The following PTPRO variants were observed in gnomAD, a reference collection of about 807,000 sequenced individuals.
PTPRO encodes receptor-type tyrosine-protein phosphatase O.
In PTPRO, 62 loss-of-function variants were observed where a neutral mutation model predicts 145.2. That is an observed-to-expected ratio of 0.43 (90% confidence interval 0.35 to 0.53). The LOEUF (loss-of-function observed/expected upper bound fraction) is 0.53, where lower values mean the gene tolerates loss of function less well. Among genes scored for constraint, PTPRO ranks in the 20% least tolerant of loss-of-function variants. The pLI is 0.01. For missense variants in PTPRO, 1,345 were observed against 1,482.7 expected (o/e 0.91, Z 1.53); for synonymous variants, 565 against 514.7 (o/e 1.10, Z -1.32).
At chr12:15,376,224 C>T (rs1938682718) in intron 1 of PTPRO, among the ~76,000 whole-genome samples, 1 of 151,950 alleles carries the variant, frequency 6.6e-6, no homozygotes, top group African/African-American at 2.4e-5. Context: ...AAAGACTCAT[C>T]CTGAAAAAAA....
chr12:15,344,606 A>G (rs901623953), intron 1 of PTPRO, among the ~76,000 whole-genome samples: 1 of 152,220 alleles, frequency 6.6e-6, no homozygotes, highest in African/African-American at 2.4e-5. Context: ...TAAAACTCAT[A>G]TAAAATTTAC....
In PTPRO at chr12:15,483,958, C is replaced by T. The variant is rs377391278; in HGVS notation, c.76-16C>T. 3 of 1,610,736 alleles carry T rather than the reference C, an allele frequency of 1.9e-6. No homozygotes were observed. The highest frequency in any genetic ancestry group is 2.2e-5 in the South Asian group (2 of 90,952). On this transcript the variant is annotated splice_polypyrimidine_tract_variant and intron_variant, in intron 1 of 26. Transcript: ENST00000281171. ...AATATAACCTCCATCTCTTTTTATT[C>T]TGTTTCATTCAACAGAATGCTACAG...
intron 12 of PTPRO, 150 bp downstream of exon 12, chr12:15,526,412 T>A: frequency 1.9e-6 from 2 of 1,060,054 alleles, no homozygotes; most frequent in Non-Finnish European, 1.4e-6. Flanking sequence ...AGCAAAAGGG[T>A]ATGTTCAACT....
At chr12:15,324,245 G>A (rs1407549261) in intron 1 of PTPRO, among the ~76,000 whole-genome samples, 2 of 152,122 alleles carry the variant, frequency 1.3e-5, no homozygotes, top group East Asian at 1.9e-4. Flanking sequence ...TGCATTTTAC[G>A]AGCAACAGCT....
chr12:15,567,911 A>C (rs1219570970), intron 18 of PTPRO, among the ~76,000 whole-genome samples: 1 of 152,172 alleles, frequency 6.6e-6, no homozygotes, highest in African/African-American at 2.4e-5. Context: ...TACCTCAGGG[A>C]TCAATTAAGC....
At chr12:15,485,432 G>C (rs988312463) in intron 2 of PTPRO, among the ~76,000 whole-genome samples, 1 of 152,014 alleles carries the variant, frequency 6.6e-6, no homozygotes, top group Non-Finnish European at 1.5e-5. Flanking sequence ...GGCACATAAC[G>C]CCTACAATAC....
At chr12:15,415,993 A>G (rs765060063) in intron 1 of PTPRO, among the ~76,000 whole-genome samples, 11 of 151,756 alleles carry the variant, frequency 7.2e-5, no homozygotes, top group Non-Finnish European at 1.6e-4. Context: ...ATTTAAATTC[A>G]GGGGTTAGAT....
At chr12:15,354,436 A>C (rs1937918993) in intron 1 of PTPRO, among the ~76,000 whole-genome samples, 1 of 152,216 alleles carries the variant, frequency 6.6e-6, no homozygotes, top group South Asian at 2.1e-4. Context: ...GATTGTATTT[A>C]TACACATTAT....
At chr12:15,362,567 A>T (rs1427924667) in intron 1 of PTPRO, among the ~76,000 whole-genome samples, 1 of 152,186 alleles carries the variant, frequency 6.6e-6, no homozygotes, top group African/African-American at 2.4e-5. Flanking sequence ...TATTTACAGA[A>T]AATATTCTCC....
intron 4 of PTPRO, among the ~76,000 whole-genome samples, chr12:15,500,898 G>A (rs1165656175): frequency 6.6e-6 from 1 of 152,074 alleles, no homozygotes; most frequent in East Asian, 1.9e-4. Flanking sequence ...CTCTAGCCTG[G>A]GCAACAGAGA....
At chr12:15,351,110 G>T (rs578107376) in intron 1 of PTPRO, among the ~76,000 whole-genome samples, 1 of 152,164 alleles carries the variant, frequency 6.6e-6, no homozygotes, top group East Asian at 1.9e-4. Flanking sequence ...CAAGTTTTTG[G>T]ATTCAAAAAC....
At chr12:15,359,672 C>A (rs976044770) in intron 1 of PTPRO, among the ~76,000 whole-genome samples, 1 of 152,108 alleles carries the variant, frequency 6.6e-6, no homozygotes, top group Non-Finnish European at 1.5e-5. Flanking sequence ...AAGTGATCCA[C>A]CTGCCTGGGC....
intron 1 of PTPRO, among the ~76,000 whole-genome samples, chr12:15,399,597 T>A (rs1175767579): frequency 6.6e-6 from 1 of 152,186 alleles, no homozygotes; most frequent in Non-Finnish European, 1.5e-5. Flanking sequence ...TGACATATAA[T>A]CGTTAATTAA....
chr12:15,441,893 A>C (rs1599366), intron 1 of PTPRO, among the ~76,000 whole-genome samples: 112,180 of 151,866 alleles, frequency 0.74, 41,549 homozygotes, highest in East Asian at 0.78. Flanking sequence ...AGCCCCAGAC[A>C]AGAGGGATTT....
intron 1 of PTPRO, among the ~76,000 whole-genome samples, chr12:15,403,971 G>A (rs1374704611): frequency 6.6e-6 from 1 of 151,932 alleles, no homozygotes; most frequent in Non-Finnish European, 1.5e-5. Flanking sequence ...GCCAAGGCGG[G>A]CAGATCAGAG....
intron 15 of PTPRO, among the ~76,000 whole-genome samples, chr12:15,553,286 G>T (rs1429985665): frequency 2.6e-5 from 4 of 152,176 alleles, no homozygotes; most frequent in Admixed American, 2.6e-4. Context: ...ATAAGTAAAA[G>T]GACTGCCCCT....
intron 2 of PTPRO, among the ~76,000 whole-genome samples, chr12:15,495,082 G>A (rs1942073410): frequency 6.6e-6 from 1 of 152,094 alleles, no homozygotes; most frequent in Non-Finnish European, 1.5e-5. Flanking sequence ...TGGTACGTAA[G>A]TGAGTTAGTG....
At chr12:15,501,469 G>A (rs1451405313) in intron 4 of PTPRO, 151 bp from the exon 5 acceptor site, 8 of 741,978 alleles carry the variant, frequency 1.1e-5, no homozygotes, top group Non-Finnish European at 1.8e-5. Flanking sequence ...AAAAAACACA[G>A]CTTATCTTGA....
chr12:15,341,274 C>T (rs1866974691), intron 1 of PTPRO, among the ~76,000 whole-genome samples: 1 of 152,052 alleles, frequency 6.6e-6, no homozygotes, highest in Admixed American at 6.6e-5. Flanking sequence ...AGATATTAAA[C>T]TTTGCATTTG....
Sources: allele counts gnomAD v4.1 joint callset (sites outside exome capture counted in the v4.1 genomes callset), GRCh38; gene constraint gnomAD v4.1.1; transcripts MANE v1.5; gene names NCBI Gene and HGNC (gene_info 2026-07-23, HGNC 2026-07-21).